COL26A1: variants seen among roughly 807,000 people sequenced by gnomAD.
COL26A1 encodes the protein collagen type XXVI alpha 1 chain.
A neutral mutation model predicts 59.3 loss-of-function variants in COL26A1; 41 were observed. The ratio of observed to expected loss-of-function variants is 0.69; its 90% CI spans 0.54 to 0.90. The LOEUF is 0.90. COL26A1 is among the 40% of genes least tolerant of loss of function. The pLI is 0.00. For missense variants in COL26A1, 612 were observed against 602.3 expected (o/e 1.02, Z -0.17); for synonymous variants, 266 against 256.0 (o/e 1.04, Z -0.37).
chr7:101,412,217 G>C (rs1202489593), intron 1 of COL26A1, among the ~76,000 whole-genome samples: 2 of 152,112 alleles, frequency 1.3e-5, no homozygotes, highest in Non-Finnish European at 2.9e-5. Context: ...ATGCCCACCA[G>C]TGCGCCATGT....
chr7:101,452,396 G>A (rs1245907354), intron 3 of COL26A1, among the ~76,000 whole-genome samples: 1 of 152,132 alleles, frequency 6.6e-6, no homozygotes, highest in East Asian at 1.9e-4. Flanking sequence ...CTGGTGAATT[G>A]TTCCAAAGGT....
chr7:101,435,243 C>A (rs571488984), intron 2 of COL26A1, among the ~76,000 whole-genome samples: 2 of 152,158 alleles, frequency 1.3e-5, no homozygotes, highest in Non-Finnish European at 1.5e-5. Context: ...TGCTCAAACC[C>A]GGGAGGCAGA....
At chr7:101,366,135 C>T (rs921996005) in intron 1 of COL26A1, among the ~76,000 whole-genome samples, 3 of 152,166 alleles carry the variant, frequency 2.0e-5, no homozygotes, top group Middle Eastern at 3.2e-3. Context: ...AGGCTTGGGG[C>T]ACATTGATAT....
chr7:101,547,119 C>T (rs754068952), intron 7 of COL26A1, 37 bp from the exon 8 acceptor site: 5 of 1,457,008 alleles, frequency 3.4e-6, no homozygotes, highest in Non-Finnish European at 4.7e-6. Context: ...GCCAGGTCTG[C>T]CCCACCAGAC....
intron 5 of COL26A1, among the ~76,000 whole-genome samples, chr7:101,540,817 G>A (rs757085697): frequency 2.6e-5 from 4 of 151,984 alleles, no homozygotes; most frequent in Non-Finnish European, 5.9e-5. Flanking sequence ...AATCCAGCCT[G>A]GAAGACGGGG....
At chr7:101,375,877 T>C (rs1399608286) in intron 1 of COL26A1, among the ~76,000 whole-genome samples, 1 of 150,780 alleles carries the variant, frequency 6.6e-6, no homozygotes, top group African/African-American at 2.4e-5. Flanking sequence ...TCCCACCTAC[T>C]TGGGAGGCTG....
At chr7:101,482,872 G>A (rs980140374) in intron 3 of COL26A1, among the ~76,000 whole-genome samples, 1 of 152,148 alleles carries the variant, frequency 6.6e-6, no homozygotes. Context: ...CAGGAGAATC[G>A]CTTGAACCTG....
chr7:101,365,374 G>A (rs2116991432), intron 1 of COL26A1, among the ~76,000 whole-genome samples: 1 of 152,220 alleles, frequency 6.6e-6, no homozygotes, highest in East Asian at 1.9e-4. Flanking sequence ...GCTGGGCCAG[G>A]GGACTGTCCC....
Position 101,551,238 on chromosome 7 carries a change from T to TGGGGGGGGGGGC in COL26A1, c.1029+95_1029+96insGGGGGGGGGGGC. 5 of 491,348 alleles carry TGGGGGGGGGGGC rather than the reference T, an allele frequency of 1.0e-5. No individual in the cohort carries two copies. In the East Asian group the frequency reaches 1.6e-4, roughly 15 times the overall value. The allele number at this position is 491,348 out of a possible 1,614,324, so 30.4% of individuals were successfully genotyped here. ...TGGGTGGCGGGGGTTGGTGGGGGGG[T>TGGGGGGGGGGGC]TCAGCCCTGGGTGGCCCTGCTGGAG... On this transcript the variant is annotated intron_variant, in intron 10 of 12. Transcript: ENST00000313669.
chr7:101,529,309 G>A (rs1795316758), intron 3 of COL26A1, among the ~76,000 whole-genome samples: 3 of 151,972 alleles, frequency 2.0e-5, no homozygotes, highest in Admixed American at 1.3e-4. Context: ...TGCTCTCTTG[G>A]CCAGGCTGGA....
chr7:101,471,540 GAA>G (rs1044100590), intron 3 of COL26A1, among the ~76,000 whole-genome samples: 7 of 147,112 alleles, frequency 4.8e-5, no homozygotes, highest in Non-Finnish European at 1.0e-4. Flanking sequence ...ACAGAGCTAA[GAA>G]TAATGTTTTG....
At chr7:101,411,134 A>G (rs1422501343) in intron 1 of COL26A1, among the ~76,000 whole-genome samples, 2 of 152,196 alleles carry the variant, frequency 1.3e-5, no homozygotes, top group African/African-American at 2.4e-5. Flanking sequence ...ACCACAGCCC[A>G]GAGCAGCTGC....
chr7:101,520,822 TG>T (rs1795129232), intron 3 of COL26A1, among the ~76,000 whole-genome samples: 1 of 152,128 alleles, frequency 6.6e-6, no homozygotes, highest in Non-Finnish European at 1.5e-5. Flanking sequence ...AAACAGCTGC[TG>T]GGGGCTGCAG....
At chr7:101,371,464 C>CTGAG (rs1791190110) in intron 1 of COL26A1, among the ~76,000 whole-genome samples, 1 of 147,382 alleles carries the variant, frequency 6.8e-6, no homozygotes, top group African/African-American at 2.5e-5. Context: ...GCTGGGACAA[C>CTGAG]ATAGCCAGAC....
intron 3 of COL26A1, among the ~76,000 whole-genome samples, chr7:101,481,449 T>A (rs959959851): frequency 2.3e-4 from 14 of 60,122 alleles, no homozygotes; most frequent in East Asian, 2.1e-3. Flanking sequence ...TCTCCCAAAA[T>A]ATATATATAT....
intron 1 of COL26A1, among the ~76,000 whole-genome samples, chr7:101,383,787 G>A (rs1584357584): frequency 1.3e-5 from 2 of 151,846 alleles, no homozygotes; most frequent in South Asian, 2.1e-4. Flanking sequence ...CACCTGCCTC[G>A]GCCTCCCAAA....
intron 1 of COL26A1, among the ~76,000 whole-genome samples, chr7:101,402,419 G>GCCCTT (rs1480331541): frequency 6.6e-6 from 1 of 152,096 alleles, no homozygotes; most frequent in Non-Finnish European, 1.5e-5. Flanking sequence ...GCCAGCTTGA[G>GCCCTT]CCCTTCCCTT....
chr7:101,527,960 T>C (rs1013803098), intron 3 of COL26A1, among the ~76,000 whole-genome samples: 1 of 152,094 alleles, frequency 6.6e-6, no homozygotes, highest in Admixed American at 6.5e-5. Flanking sequence ...AGCACTCCAG[T>C]GAATAATCAA....
intron 2 of COL26A1, among the ~76,000 whole-genome samples, chr7:101,435,823 T>G (rs1265267942): frequency 6.6e-6 from 1 of 152,168 alleles, no homozygotes; most frequent in Non-Finnish European, 1.5e-5. Context: ...CTTTTCCAGA[T>G]GTGCTGAGCA....
Sources: gnomAD v4.1 joint callset for allele counts (sites outside exome capture counted in the v4.1 genomes callset) on GRCh38, gnomAD v4.1.1 for gene constraint, MANE v1.5 for transcripts, NCBI Gene and HGNC (gene_info 2026-07-23, HGNC 2026-07-21) for gene names.